The following RUNX1 variants were observed in gnomAD, a reference collection of about 807,000 sequenced individuals.
The protein encoded by RUNX1 is runt-related transcription factor 1.
RUNX1 carries 19 observed loss-of-function variants against 42.8 expected under a neutral mutation model. The observed-to-expected ratio is 0.44, with a 90% CI of 0.31 to 0.65. The LOEUF (loss-of-function observed/expected upper bound fraction) is 0.65, where lower values mean the gene tolerates loss of function less well. RUNX1 is among the 30% of genes least tolerant of loss of function. RUNX1 has a pLI of 0.07. For missense variants in RUNX1, 528 were observed against 672.0 expected (o/e 0.79, Z 2.37); for synonymous variants, 271 against 289.4 (o/e 0.94, Z 0.64).
intron 2 of RUNX1, among the ~76,000 whole-genome samples, chr21:35,003,158 A>C (rs2059058671): frequency 1.3e-5 from 2 of 152,244 alleles, no homozygotes; most frequent in Non-Finnish European, 2.9e-5. Flanking sequence ...ATCAGAATAC[A>C]TTTGAAATCA....
intron 5 of RUNX1, among the ~76,000 whole-genome samples, chr21:34,878,607 G>A (rs188681331): frequency 3.9e-5 from 6 of 152,038 alleles, no homozygotes; most frequent in African/African-American, 7.2e-5. Context: ...TACTTTTTGG[G>A]GTTTATGCAA....
intron 2 of RUNX1, among the ~76,000 whole-genome samples, chr21:35,008,024 C>T (rs535223776): frequency 3.3e-5 from 5 of 152,194 alleles, no homozygotes; most frequent in Non-Finnish European, 5.9e-5. Flanking sequence ...CTGGGCCATG[C>T]TATTTTTCAC....
intron 2 of RUNX1, among the ~76,000 whole-genome samples, chr21:34,993,318 A>T (rs935551654): frequency 2.6e-5 from 4 of 152,176 alleles, no homozygotes; most frequent in African/African-American, 9.7e-5. Flanking sequence ...GTAGGGTAGA[A>T]ACCATTATCT....
intron 5 of RUNX1, among the ~76,000 whole-genome samples, chr21:34,865,299 T>C (rs1355074366): frequency 7.0e-6 from 1 of 142,158 alleles, no homozygotes; most frequent in African/African-American, 3.0e-5. Context: ...TGTGTGTGTG[T>C]GTGTGTGTGT....
At chr21:34,888,608 G>C in intron 3 of RUNX1, 1 of 1,057,948 alleles carries the variant, frequency 9.5e-7, no homozygotes, top group Non-Finnish European at 1.1e-6. Flanking sequence ...AGAAGTGCCT[G>C]GCGGCGCAGG....
chr21:34,835,319 A>G (rs1280373261), intron 6 of RUNX1, among the ~76,000 whole-genome samples: 1 of 152,090 alleles, frequency 6.6e-6, no homozygotes, highest in Non-Finnish European at 1.5e-5. Flanking sequence ...CAATATTCCC[A>G]GCAGAATAGG....
chr21:34,959,551 G>T lies in RUNX1; in HGVS notation c.59-66588C>A, dbSNP rs896879990. 9.2e-5 allele frequency among the ~76,000 whole-genome samples: 14 copies of T among 152,146 alleles called. 1 individual carries two copies. The highest frequency in any genetic ancestry group is 3.8e-4 in the East Asian group (2 of 5,204). On this transcript the variant is annotated intron_variant, in intron 2 of 8. Transcript: ENST00000675419. ...AGTTAGAGAGAGACACAGAGTTAAGGCCCTGAAGTGCATTAAAAATAAGAC... is the reference window on the plus strand; with the variant it reads ...AGTTAGAGAGAGACACAGAGTTAAGTCCCTGAAGTGCATTAAAAATAAGAC...
rs546423407 is a variant in RUNX1, at chr21:34,973,027, T to C, written c.58+75815A>G. On this transcript the variant is annotated intron_variant, in intron 2 of 8. Coordinates refer to ENST00000675419, the MANE Select transcript of RUNX1 (RefSeq NM_001754.5). ...TTGAGAGCTCTTGTTGTGTACTTCA[T>C]GGAATCCTCAAAACCAATATATCCC... Among the ~76,000 whole-genome samples, 8 of 152,338 alleles carry C rather than the reference T, an allele frequency of 5.3e-5. No individual in the cohort carries two copies. The South Asian group carries it at 1.7e-3, about 32-fold the overall frequency.
At chr21:34,857,424 G>A (rs2057510531) in intron 6 of RUNX1, among the ~76,000 whole-genome samples, 1 of 152,128 alleles carries the variant, frequency 6.6e-6, no homozygotes, top group African/African-American at 2.4e-5. Flanking sequence ...CAATAACTTT[G>A]TTATTTCTTT....
At chr21:34,889,727 G>C in intron 3 of RUNX1, 2 of 1,184,658 alleles carry the variant, frequency 1.7e-6, no homozygotes, top group South Asian at 3.7e-5. Flanking sequence ...TCCCCGCGGT[G>C]CTGCGGGCAT....
At chr21:34,976,119 T>G (rs1350057157) in intron 2 of RUNX1, among the ~76,000 whole-genome samples, 1 of 139,148 alleles carries the variant, frequency 7.2e-6, no homozygotes, top group Non-Finnish European at 1.6e-5. Context: ...ATACATCAAT[T>G]GGTCTTTCCA....
intron 2 of RUNX1, among the ~76,000 whole-genome samples, chr21:34,966,006 C>T (rs1025791307): frequency 6.6e-6 from 1 of 152,082 alleles, no homozygotes; most frequent in African/African-American, 2.4e-5. Context: ...ATGGAGCAGT[C>T]CCCTCCTGTG....
intron 2 of RUNX1, among the ~76,000 whole-genome samples, chr21:34,975,155 G>C (rs1364025412): frequency 6.6e-6 from 1 of 152,210 alleles, no homozygotes; most frequent in Non-Finnish European, 1.5e-5. Context: ...AAGTGGTGGA[G>C]GAAAAGACTT....
intron 7 of RUNX1, among the ~76,000 whole-genome samples, chr21:34,825,246 T>G (rs75450944): frequency 0.049 from 7,425 of 152,118 alleles, 486 homozygotes; most frequent in African/African-American, 0.15. Flanking sequence ...TTGTTCCCAT[T>G]TTTCTGTTCC....
At chr21:34,859,112 T>C (rs573081433) in intron 6 of RUNX1, among the ~76,000 whole-genome samples, 1 of 152,350 alleles carries the variant, frequency 6.6e-6, no homozygotes, top group South Asian at 2.1e-4. Context: ...CAGACCTCTT[T>C]GGGCTGCCTC....
intron 2 of RUNX1, among the ~76,000 whole-genome samples, chr21:34,979,664 T>C (rs1200996941): frequency 6.6e-6 from 1 of 152,254 alleles, no homozygotes; most frequent in Non-Finnish European, 1.5e-5. Flanking sequence ...CAATGTTTGC[T>C]TAAAGACATG....
At position 34,889,686 on chromosome 21, in the gene RUNX1, G is replaced by C. The variant is rs534578151; in HGVS notation, c.98-2590C>G. ...CAGGTGCGGAACCCACCCCGGCTTC[G>C]CGTGCGGGCGGCCGCTTCCCCCTGC... is the stretch of plus-strand genomic sequence containing the variant. On this transcript the variant is annotated intron_variant, in intron 3 of 8. Coordinates refer to ENST00000675419, the MANE Select transcript of RUNX1 (RefSeq NM_001754.5). 520 of 1,164,456 alleles carry C rather than the reference G, an allele frequency of 4.5e-4. 8 individuals are homozygous for C. The South Asian group carries it at 9.3e-3, about 21-fold the overall frequency. The allele number at this position is 1,164,456 out of a possible 1,614,324, so 72.1% of individuals were successfully genotyped here.
intron 2 of RUNX1, among the ~76,000 whole-genome samples, chr21:35,016,621 G>A (rs566768239): frequency 1.3e-5 from 2 of 152,126 alleles, no homozygotes; most frequent in Admixed American, 6.5e-5. Context: ...CTGCCTGAGG[G>A]GACAGAACAG....
chr21:34,842,381 G>A (rs1291573816), intron 6 of RUNX1, among the ~76,000 whole-genome samples: 1 of 148,554 alleles, frequency 6.7e-6, no homozygotes, highest in African/African-American at 2.5e-5. Flanking sequence ...TGTAGTCCCA[G>A]CTACTTGGGA....
Sources: allele counts gnomAD v4.1 joint callset (sites outside exome capture counted in the v4.1 genomes callset), GRCh38; gene constraint gnomAD v4.1.1; transcripts MANE v1.5; gene names NCBI Gene and HGNC (gene_info 2026-07-23, HGNC 2026-07-21).